The following OLA1 variants were observed in gnomAD, a reference collection of about 807,000 sequenced individuals.
OLA1 encodes Obg like ATPase 1, also known as obg-like ATPase 1.
A neutral mutation model predicts 48.4 loss-of-function variants in OLA1; 14 were observed. The observed-to-expected ratio is 0.29, with a 90% CI of 0.19 to 0.45. OLA1 has a LOEUF of 0.45. Ranked by LOEUF, OLA1 falls within the 20% of genes least tolerant of loss-of-function variation. The probability of loss-of-function intolerance (pLI) is 1.00; values close to 1 mark genes in which losing one functional copy is unlikely to be tolerated. For synonymous variants in OLA1, 127 were observed against 150.4 expected (o/e 0.84, Z 1.14); for missense variants, 325 against 467.1 (o/e 0.70, Z 2.80).
At chr2:174,193,960 G>C (rs1687829575) in intron 4 of OLA1, among the ~76,000 whole-genome samples, 1 of 152,108 alleles carries the variant, frequency 6.6e-6, no homozygotes, top group African/African-American at 2.4e-5. Context: ...CTAAACTACA[G>C]TTGTGGGCCC....
chr2:174,181,521 T>A (rs1687537290), intron 4 of OLA1, among the ~76,000 whole-genome samples: 1 of 152,128 alleles, frequency 6.6e-6, no homozygotes, highest in South Asian at 2.1e-4. Context: ...AGGATCATAG[T>A]CCTATATGAC....
At chr2:174,166,023 G>C (rs930954929) in intron 4 of OLA1, among the ~76,000 whole-genome samples, 2 of 151,930 alleles carry the variant, frequency 1.3e-5, no homozygotes, top group African/African-American at 4.8e-5. Context: ...CTACTTGGGA[G>C]GCTGAGGCAG....
At chr2:174,189,763 C>A (rs1325264300) in intron 4 of OLA1, among the ~76,000 whole-genome samples, 1 of 151,782 alleles carries the variant, frequency 6.6e-6, no homozygotes, top group African/African-American at 2.4e-5. Flanking sequence ...ACCCAACAAT[C>A]CCATTTTTGT....
intron 4 of OLA1, among the ~76,000 whole-genome samples, chr2:174,164,701 T>G (rs569218959): frequency 1.6e-4 from 25 of 152,320 alleles, no homozygotes; most frequent in African/African-American, 5.5e-4. Flanking sequence ...AGTTTATCAC[T>G]GATAGGTAGA....
chr2:174,153,285 C>T (rs1266147179), intron 4 of OLA1, among the ~76,000 whole-genome samples: 1 of 152,052 alleles, frequency 6.6e-6, no homozygotes, highest in Non-Finnish European at 1.5e-5. Context: ...CAATTCAGTT[C>T]TGAGAAACCT....
At chr2:174,210,336 A>G (rs1228507043) in intron 4 of OLA1, among the ~76,000 whole-genome samples, 1 of 152,178 alleles carries the variant, frequency 6.6e-6, no homozygotes, top group Non-Finnish European at 1.5e-5. Context: ...AGGGGCAAAC[A>G]TGATATTTTA....
chr2:174,164,882 A>G (rs903019877), intron 4 of OLA1, among the ~76,000 whole-genome samples: 3 of 152,206 alleles, frequency 2.0e-5, no homozygotes, highest in Non-Finnish European at 4.4e-5. Flanking sequence ...AATTTATTGC[A>G]AGACTTGAAC....
intron 4 of OLA1, among the ~76,000 whole-genome samples, chr2:174,212,599 T>C (rs1688268351): frequency 6.6e-6 from 1 of 152,228 alleles, no homozygotes; most frequent in African/African-American, 2.4e-5. Context: ...TGGACTCTTG[T>C]AATAACAATT....
At chr2:174,219,744 A>G (rs1043745445) in intron 4 of OLA1, among the ~76,000 whole-genome samples, 3 of 152,182 alleles carry the variant, frequency 2.0e-5, no homozygotes, top group Non-Finnish European at 4.4e-5. Flanking sequence ...TTAAAACATT[A>G]AAAGTGCAAC....
In OLA1 at chr2:174,179,360, G is replaced by A. The variant is rs544097349; in HGVS notation, c.374-37360C>T. On this transcript the variant is annotated intron_variant, in intron 4 of 10. Transcript: ENST00000284719. Reference sequence around the variant, plus strand: ...GCATGAGTACTCAGTATAATACACTGACTGCAGTTTATTAAATATTCAAAA... The same window carrying A: ...GCATGAGTACTCAGTATAATACACTAACTGCAGTTTATTAAATATTCAAAA... Among the ~76,000 whole-genome samples, 3 of 151,908 alleles carry A rather than the reference G, an allele frequency of 2.0e-5. No homozygotes were observed. In the South Asian group the frequency reaches 6.2e-4, roughly 32 times the overall value.
At chr2:174,231,826 G>T (rs879335224) in intron 2 of OLA1, among the ~76,000 whole-genome samples, 4 of 152,162 alleles carry the variant, frequency 2.6e-5, no homozygotes, top group African/African-American at 4.8e-5. Flanking sequence ...CATTACTATA[G>T]GCTTCAGTGG....
chr2:174,247,426 T>G, intron 1 of OLA1: 1 of 419,024 alleles, frequency 2.4e-6, no homozygotes, highest in African/African-American at 2.0e-5. Context: ...AAAGATAAAC[T>G]TAGAGTTTAG....
intron 4 of OLA1, among the ~76,000 whole-genome samples, chr2:174,176,994 AC>A (rs1687436850): frequency 6.6e-6 from 1 of 152,038 alleles, no homozygotes. Flanking sequence ...TTCAGAACAA[AC>A]CTTTTTAGAT....
intron 4 of OLA1, among the ~76,000 whole-genome samples, chr2:174,207,214 C>T (rs1688135856): frequency 6.6e-6 from 1 of 152,114 alleles, no homozygotes; most frequent in Non-Finnish European, 1.5e-5. Flanking sequence ...GCTACAATTC[C>T]ATATAAACTA....
At chr2:174,099,482 C>T (rs1472458647) in intron 7 of OLA1, among the ~76,000 whole-genome samples, 1 of 152,100 alleles carries the variant, frequency 6.6e-6, no homozygotes, top group East Asian at 1.9e-4. Context: ...AAATCAATAC[C>T]ACTCTAAGTA....
At chr2:174,188,049 C>T (rs1002479373) in intron 4 of OLA1, among the ~76,000 whole-genome samples, 31 of 152,064 alleles carry the variant, frequency 2.0e-4, no homozygotes, top group African/African-American at 4.1e-4. Flanking sequence ...AGTGGTTAAA[C>T]GGCCAAAATG....
intron 7 of OLA1, among the ~76,000 whole-genome samples, chr2:174,098,746 C>T (rs1291592859): frequency 6.6e-6 from 1 of 152,108 alleles, no homozygotes; most frequent in Non-Finnish European, 1.5e-5. Context: ...TAAGGACGTA[C>T]ACAGAAAATG....
chr2:174,163,561 C>A (rs936298496), intron 4 of OLA1, among the ~76,000 whole-genome samples: 1 of 150,678 alleles, frequency 6.6e-6, no homozygotes. Context: ...TGGTGGCAGG[C>A]ACCTATAAAT....
chr2:174,148,859 C>T (rs941426498), intron 4 of OLA1, among the ~76,000 whole-genome samples: 8 of 152,202 alleles, frequency 5.3e-5, no homozygotes, highest in South Asian at 2.1e-4. Flanking sequence ...AAGTTTGCAC[C>T]ATAGATTGTT....
Sources: allele counts gnomAD v4.1 joint callset (sites outside exome capture counted in the v4.1 genomes callset), GRCh38; gene constraint gnomAD v4.1.1; transcripts MANE v1.5; gene names NCBI Gene and HGNC (gene_info 2026-07-23, HGNC 2026-07-21).